Variants in ADCY9 observed in about 807,000 individuals in gnomAD.
The protein encoded by ADCY9 is adenylate cyclase 9, also known as adenylate cyclase type 9.
A neutral mutation model predicts 101.5 loss-of-function variants in ADCY9; 50 were observed. That is an observed-to-expected ratio of 0.49 (90% CI 0.39 to 0.62). The LOEUF (loss-of-function observed/expected upper bound fraction) is 0.62. Among genes scored for constraint, ADCY9 ranks in the 20% least tolerant of loss-of-function variants. ADCY9 has a pLI of 0.00. For missense variants in ADCY9, 1,662 were observed against 1,800.4 expected, an observed-to-expected ratio of 0.92 and a Z score of 1.39; for synonymous variants, 905 against 769.3, an observed-to-expected ratio of 1.18 and a Z score of -2.92.
chr16:4,048,416 C>G (rs2056679927), intron 2 of ADCY9, among the ~76,000 whole-genome samples: 1 of 152,168 alleles, frequency 6.6e-6, no homozygotes, highest in African/African-American at 2.4e-5. Flanking sequence ...ACATTCTCCC[C>G]CTTCTGTGGT....
intron 10 of ADCY9, among the ~76,000 whole-genome samples, chr16:3,969,063 ATCCACCCGCCTCGGCC>A (rs2056024214): frequency 6.6e-6 from 1 of 151,870 alleles, no homozygotes; most frequent in Non-Finnish European, 1.5e-5. Context: ...TGACCTCGTG[ATCCACCCGCCTCGGCC>A]TCCCAAAGTG....
chr16:4,017,399 C>G (rs1399162665), intron 2 of ADCY9, among the ~76,000 whole-genome samples: 1 of 149,738 alleles, frequency 6.7e-6, no homozygotes, highest in Non-Finnish European at 1.5e-5. Flanking sequence ...AATCCCAGCA[C>G]TTTGGGAGGC....
At chr16:3,969,063 A>T (rs72760899) in intron 10 of ADCY9, among the ~76,000 whole-genome samples, 9,556 of 151,978 alleles carry the variant, frequency 0.063, 360 homozygotes, top group Admixed American at 0.088. Context: ...TGACCTCGTG[A>T]TCCACCCGCC....
intron 2 of ADCY9, among the ~76,000 whole-genome samples, chr16:4,112,089 G>A (rs1308928227): frequency 2.6e-5 from 4 of 152,052 alleles, no homozygotes; most frequent in Non-Finnish European, 4.4e-5. Context: ...CAGCTCCACC[G>A]TCCCACAGTC....
intron 2 of ADCY9, among the ~76,000 whole-genome samples, chr16:4,095,229 G>A (rs1224792030): frequency 6.6e-6 from 1 of 152,048 alleles, no homozygotes; most frequent in Non-Finnish European, 1.5e-5. Flanking sequence ...TCGAACTCCT[G>A]ATCTCAGGTG....
In ADCY9 at chr16:4,007,408, C is replaced by T; in HGVS notation, c.1844G>A (p.Ser615Asn). The part of the protein sequence containing the change: ...GQGTASSGNV[S>N]DLAQTVKTFD... ...GGTTTTGACAGTCTGCGCCAAGTCACTGACATTCCCTGATGACGCTGTCCC... is the reference window on the plus strand; with the variant it reads ...GGTTTTGACAGTCTGCGCCAAGTCATTGACATTCCCTGATGACGCTGTCCC... Residue 615 changes from serine to asparagine, a missense_variant, in exon 3 of 11, where the codon AGT becomes AAT. By Grantham distance (46) the Ser-to-Asn change is conservative (BLOSUM62 1). Around this residue, in one of 5 missense-constraint regions of ADCY9, gnomAD observed 624 missense variants for 639.1 expected, o/e 0.98. Transcript: ENST00000294016. 1 of 1,603,236 alleles carries T rather than the reference C, an allele frequency of 6.2e-7. No individual in the cohort carries two copies. The highest frequency in any genetic ancestry group is 8.5e-7 in the Non-Finnish European group (1 of 1,177,020).
At chr16:4,045,594 TAAAAAAAAAAAAAA>T (rs545715002) in intron 2 of ADCY9, among the ~76,000 whole-genome samples, 1 of 64,964 alleles carries the variant, frequency 1.5e-5, no homozygotes, top group African/African-American at 5.6e-5. Flanking sequence ...GACTCTGCCT[TAAAAAAAAAAAAAA>T]AAAAAAAAAA....
chr16:4,104,158 C>T (rs908442492), intron 2 of ADCY9, among the ~76,000 whole-genome samples: 1 of 152,184 alleles, frequency 6.6e-6, no homozygotes, highest in Admixed American at 6.5e-5. Context: ...AGGAAAATAA[C>T]TGACAGTATT....
chr16:4,005,524 C>T (rs1023520768), intron 3 of ADCY9, among the ~76,000 whole-genome samples: 5 of 152,192 alleles, frequency 3.3e-5, no homozygotes, highest in African/African-American at 9.7e-5. Flanking sequence ...CCACCATGCC[C>T]GGCCTTCTGT....
chr16:4,006,189 G>A (rs993748224), intron 3 of ADCY9, among the ~76,000 whole-genome samples: 2 of 152,158 alleles, frequency 1.3e-5, no homozygotes, highest in Non-Finnish European at 2.9e-5. Context: ...AGTAGGGTAC[G>A]GGTGGGTATG....
chr16:3,979,233 G>C lies in ADCY9; in HGVS notation c.2562C>G (p.Arg854=). 1.9e-6 allele frequency: 3 copies of C among 1,614,058 alleles called. No homozygotes were observed. The highest frequency in any genetic ancestry group is 2.5e-6 in the Non-Finnish European group (3 of 1,179,994). Residue 854 remains arginine, a synonymous_variant, in exon 8 of 11, where the codon CGC becomes CGG. Coordinates refer to ENST00000294016, the MANE Select transcript of ADCY9 (RefSeq NM_001116.4). ...FLEDVMACTK[R]LLEWIAGWLP... is the part of the protein sequence containing the mutation. ...GCCAGCCGGCGATCCACTCCAGCAG[G>C]CGCTTGGTGCAGGCCATGACGTCCT...
At chr16:4,054,809 C>T (rs1187723055) in intron 2 of ADCY9, among the ~76,000 whole-genome samples, 1 of 152,082 alleles carries the variant, frequency 6.6e-6, no homozygotes, top group African/African-American at 2.4e-5. Context: ...CCTCGTGATC[C>T]ACCTGCCTCG....
intron 6 of ADCY9, among the ~76,000 whole-genome samples, chr16:3,987,870 G>A (rs967450017): frequency 5.3e-5 from 8 of 152,200 alleles, no homozygotes; most frequent in Non-Finnish European, 1.2e-4. Context: ...TGGGCCCAGA[G>A]GAGAGAATGC....
intron 10 of ADCY9, among the ~76,000 whole-genome samples, chr16:3,974,165 C>T (rs2056075074): frequency 6.6e-6 from 1 of 152,194 alleles, no homozygotes; most frequent in Admixed American, 6.5e-5. Context: ...CCTCAGCCTC[C>T]TGAGTAGCTG....
chr16:4,094,384 A>T (rs1457018459), intron 2 of ADCY9, among the ~76,000 whole-genome samples: 3 of 152,192 alleles, frequency 2.0e-5, no homozygotes, highest in African/African-American at 4.8e-5. Context: ...GTCCTTCAGA[A>T]CCAAGTAGTG....
At chr16:4,000,048 T>C (rs762652511) in intron 3 of ADCY9, among the ~76,000 whole-genome samples, 3 of 152,244 alleles carry the variant, frequency 2.0e-5, no homozygotes, top group African/African-American at 7.2e-5. Context: ...CTTCGTCTTC[T>C]CAACACGACT....
chr16:3,982,850 C>T lies in ADCY9; in HGVS notation c.2519+382G>A, dbSNP rs188684512. On this transcript the variant is annotated intron_variant, in intron 7 of 10. Transcript: ENST00000294016. ...AGTGCGTGGAGATGCTGTTTGGCTC[C>T]GGTACTCTGAAGAGGCGCCTGCTGT... 189 of 218,542 alleles carry T rather than the reference C, an allele frequency of 8.6e-4. 1 individual carries two copies. The highest frequency in any genetic ancestry group is 4.0e-3 in the African/African-American group (177 of 44,098). 13.5% of individuals were successfully genotyped at this position (218,542 alleles called of 1,614,324 possible).
At chr16:4,069,272 G>GTTATTATTATTATTATTATTA (rs57466737) in intron 2 of ADCY9, among the ~76,000 whole-genome samples, 17 of 147,374 alleles carry the variant, frequency 1.2e-4, no homozygotes, top group African/African-American at 4.2e-4. Flanking sequence ...GTTGTTGTAA[G>GTTATTATTATTATTATTATTA]TTATTATTAT....
chr16:4,067,920 A>C (rs2056810446), intron 2 of ADCY9, among the ~76,000 whole-genome samples: 1 of 152,160 alleles, frequency 6.6e-6, no homozygotes. Context: ...TTGGTGAAAA[A>C]CTGCAACATA....
Sources: allele counts gnomAD v4.1 joint callset (sites outside exome capture counted in the v4.1 genomes callset), GRCh38; gene constraint gnomAD v4.1.1; regional missense constraint gnomAD v4.1.1; transcripts MANE v1.5; gene names NCBI Gene and HGNC (gene_info 2026-07-23, HGNC 2026-07-21).